Variants in CTNNA2 observed in about 807,000 individuals in gnomAD.
CTNNA2 encodes the protein catenin alpha 2, also known as catenin alpha-2.
In CTNNA2, 42 loss-of-function variants were observed where a neutral mutation model predicts 101.0. The ratio of observed to expected loss-of-function variants is 0.42; its 90% confidence interval spans 0.32 to 0.54. The LOEUF is 0.54. Ranked by LOEUF, CTNNA2 falls within the 20% of genes least tolerant of loss-of-function variation. The probability of loss-of-function intolerance (pLI) is 0.14; values close to 1 mark genes in which losing one functional copy is unlikely to be tolerated. For synonymous variants in CTNNA2, 450 were observed against 456.4 expected, an observed-to-expected ratio of 0.99 and a Z score of 0.18; for missense variants, 871 against 1,223.1, an observed-to-expected ratio of 0.71 and a Z score of 4.29.
At chr2:79,295,504 C>CTTT (rs1342664473) in intron 2 of CTNNA2, among the ~76,000 whole-genome samples, 2 of 151,710 alleles carry the variant, frequency 1.3e-5, no homozygotes, top group Non-Finnish European at 2.9e-5. Flanking sequence ...TCTTTTTTTT[C>CTTT]TTTTTCTTTC....
chr2:79,414,739 A>C (rs1678458698), intron 4 of CTNNA2, among the ~76,000 whole-genome samples: 4 of 152,040 alleles, frequency 2.6e-5, no homozygotes, highest in Admixed American at 6.6e-5. Context: ...AAGCTAGGCT[A>C]GTCTCTCTGA....
chr2:79,601,059 CAT>C lies in CTNNA2; in HGVS notation c.-5-50492_-5-50491del, dbSNP rs140582229. Among the ~76,000 whole-genome samples the C allele has an allele frequency of 1.7e-3, 256 of 152,270 alleles. 3 individuals are homozygous for C. The highest frequency in any genetic ancestry group is 0.016 in the South Asian group (76 of 4,824). ...GTATGTATATATGCACACCTACACA[CAT>C]GTGCACATACTCCTCCAATGTTAGG... On this transcript the variant is annotated intron_variant, in intron 1 of 18. Coordinates refer to ENST00000402739, the MANE Select transcript of CTNNA2 (RefSeq NM_001282597.3).
intron 4 of CTNNA2, among the ~76,000 whole-genome samples, chr2:79,415,925 A>T (rs758748213): frequency 2.4e-4 from 36 of 152,128 alleles, no homozygotes; most frequent in Admixed American, 4.6e-4. Flanking sequence ...TTGAGATATG[A>T]CTTGCTTGCT....
chr2:80,285,049 TTTC>T (rs1674649445), intron 7 of CTNNA2, among the ~76,000 whole-genome samples: 1 of 152,102 alleles, frequency 6.6e-6, no homozygotes, highest in Non-Finnish European at 1.5e-5. Flanking sequence ...TAGACATCAC[TTTC>T]TTTTTTTTTC....
intron 15 of CTNNA2, among the ~76,000 whole-genome samples, chr2:80,602,660 A>G (rs1346920437): frequency 6.6e-6 from 1 of 152,118 alleles, no homozygotes; most frequent in African/African-American, 2.4e-5. Context: ...TAATAAAAAT[A>G]TGTTAGGGAA....
At chr2:79,660,167 A>G (rs1367512971) in intron 2 of CTNNA2, among the ~76,000 whole-genome samples, 1 of 151,382 alleles carries the variant, frequency 6.6e-6, no homozygotes, top group Non-Finnish European at 1.5e-5. Context: ...GTATGTATGT[A>G]TGCAAATAGC....
At chr2:79,982,368 T>C (rs1244104146) in intron 7 of CTNNA2, among the ~76,000 whole-genome samples, 1 of 113,574 alleles carries the variant, frequency 8.8e-6, no homozygotes, top group African/African-American at 3.8e-5. Context: ...CTATATAACA[T>C]ATATATAACA....
intron 4 of CTNNA2, among the ~76,000 whole-genome samples, chr2:79,504,095 G>A (rs1671360285): frequency 6.6e-6 from 1 of 152,146 alleles, no homozygotes; most frequent in Admixed American, 6.6e-5. Flanking sequence ...CCCATCAAGT[G>A]AGGACGATAT....
chr2:80,273,713 TCTC>T (rs1673676550), intron 7 of CTNNA2, among the ~76,000 whole-genome samples: 1 of 152,034 alleles, frequency 6.6e-6, no homozygotes. Context: ...TTTGCAATAG[TCTC>T]CTCTGCTTGC....
chr2:80,300,832 C>T (rs1676218411), intron 7 of CTNNA2, among the ~76,000 whole-genome samples: 1 of 151,948 alleles, frequency 6.6e-6, no homozygotes, highest in African/African-American at 2.4e-5. Flanking sequence ...TTCTCTGCAC[C>T]CACCAACTGC....
At chr2:79,589,465 CT>C (rs944071847) in intron 1 of CTNNA2, among the ~76,000 whole-genome samples, 22 of 151,832 alleles carry the variant, frequency 1.4e-4, no homozygotes, top group African/African-American at 4.8e-4. Context: ...CACTATTGTC[CT>C]TTTTTTTCTT....
chr2:80,435,689 C>T (rs1477865800), intron 9 of CTNNA2, among the ~76,000 whole-genome samples: 3 of 152,254 alleles, frequency 2.0e-5, no homozygotes, highest in Admixed American at 6.5e-5. Flanking sequence ...TCATATCACC[C>T]ATAAAGTTGA....
chr2:80,423,086 CTT>C (rs59675400), intron 9 of CTNNA2, among the ~76,000 whole-genome samples: 1 of 151,980 alleles, frequency 6.6e-6, no homozygotes, highest in Non-Finnish European at 1.5e-5. Flanking sequence ...AGTATGCTCT[CTT>C]TTTTCCTTGA....
intron 18 of CTNNA2, among the ~76,000 whole-genome samples, chr2:80,641,793 A>G (rs1264010749): frequency 6.6e-6 from 1 of 151,164 alleles, no homozygotes; most frequent in Non-Finnish European, 1.5e-5. Flanking sequence ...AGATTATTAA[A>G]AGGATATTAA....
Position 80,033,052 on chromosome 2 carries a change from GT to G in CTNNA2, c.1056+123256del, listed in dbSNP as rs376490906. Among the ~76,000 whole-genome samples, 3 of 151,194 alleles carry G rather than the reference GT, an allele frequency of 2.0e-5. No homozygotes were observed. In the East Asian group the frequency reaches 5.9e-4, roughly 30 times the overall value. ...TGTAGTCCCAGATACTCAGGAGGCTGTGGCAGGAGAATTGCTTGAACCTGGG... is the reference window on the plus strand; with the variant it reads ...TGTAGTCCCAGATACTCAGGAGGCTGGGCAGGAGAATTGCTTGAACCTGGG... On this transcript the variant is annotated intron_variant, in intron 7 of 18. Coordinates refer to ENST00000402739, the MANE Select transcript of CTNNA2 (RefSeq NM_001282597.3).
At chr2:80,292,578 T>C (rs1027301933) in intron 7 of CTNNA2, among the ~76,000 whole-genome samples, 9 of 152,140 alleles carry the variant, frequency 5.9e-5, no homozygotes, top group African/African-American at 1.9e-4. Context: ...TTAACACTCC[T>C]ATAGGTGGAG....
chr2:80,604,107 C>G lies in CTNNA2; in HGVS notation c.2223C>G (p.Val741=). ...GCCCATTGAAAAATACATCTGATGT[C>G]ATTAATGCTGCCAAGAAAATTGCCG... ...GKGPLKNTSD[V]INAAKKIAEA... Residue 741 remains valine, a synonymous_variant, in exon 16 of 19, where the codon GTC becomes GTG. Coordinates refer to ENST00000402739, the MANE Select transcript of CTNNA2 (RefSeq NM_001282597.3). 1 of 1,613,050 alleles carries G rather than the reference C, an allele frequency of 6.2e-7. No homozygotes were observed. The highest frequency in any genetic ancestry group is 8.5e-7 in the Non-Finnish European group (1 of 1,179,424).
Position 79,661,914 on chromosome 2 carries a change from T to G in CTNNA2, c.102+10256T>G, listed in dbSNP as rs57669181. Among the ~76,000 whole-genome samples the G allele has an allele frequency of 7.6e-3, 1,158 of 152,052 alleles. 9 individuals carry two copies. Among genetic ancestry groups the G allele is most frequent in the African/African-American group, 0.027 (1,099 of 41,470 alleles). The stretch of plus-strand genomic sequence containing the variant: ...TAAGGTGAGTTAGACTGAGTAGATC[T>G]GAAGCTCCTAAGGAAAATGTGGACT... On this transcript the variant is annotated intron_variant, in intron 2 of 18. Coordinates refer to ENST00000402739, the MANE Select transcript of CTNNA2 (RefSeq NM_001282597.3).
intron 9 of CTNNA2, among the ~76,000 whole-genome samples, chr2:80,485,109 T>TAA (rs1686466940): frequency 6.6e-6 from 1 of 152,192 alleles, no homozygotes; most frequent in Non-Finnish European, 1.5e-5. Flanking sequence ...TACGTGTGTG[T>TAA]TGTTTGTGGG....
Sources: gnomAD v4.1 joint callset for allele counts (sites outside exome capture counted in the v4.1 genomes callset) on GRCh38, gnomAD v4.1.1 for gene constraint, MANE v1.5 for transcripts, NCBI Gene and HGNC (gene_info 2026-07-23, HGNC 2026-07-21) for gene names.